The following ADAMTS3 variants were observed in gnomAD, a reference collection of about 807,000 sequenced individuals.
ADAMTS3 encodes the protein ADAM metallopeptidase with thrombospondin type 1 motif 3.
In ADAMTS3, 73 loss-of-function variants were observed where a neutral mutation model predicts 129.0. The ratio of observed to expected loss-of-function variants is 0.57; its 90% confidence interval spans 0.47 to 0.69. The LOEUF (loss-of-function observed/expected upper bound fraction) is 0.69, where lower values mean the gene tolerates loss of function less well. ADAMTS3 is among the 30% of genes least tolerant of loss of function. ADAMTS3 has a pLI of 0.00. For synonymous variants in ADAMTS3, 477 were observed against 510.8 expected, an observed-to-expected ratio of 0.93 and a Z score of 0.89; for missense variants, 1,457 against 1,514.5, an observed-to-expected ratio of 0.96 and a Z score of 0.63.
chr4:72,461,172 G>T (rs1718758962), intron 3 of ADAMTS3, among the ~76,000 whole-genome samples: 1 of 151,290 alleles, frequency 6.6e-6, no homozygotes, highest in African/African-American at 2.4e-5. Flanking sequence ...CCATTAAGAA[G>T]AATGTAAAAC....
rs1487617145 is a variant in ADAMTS3 at position 72,281,035 on chromosome 4, T to C, written c.*2101A>G. ...AACAAACAGCATCAGTAGTGTACAC[T>C]TTGATAAAAAGGAATTTTTAGCTTA... On this transcript the variant is annotated 3_prime_UTR_variant, in exon 22 of 22. Coordinates refer to ENST00000286657, the MANE Select transcript of ADAMTS3 (RefSeq NM_014243.3). 2.0e-5 allele frequency: 3 copies of C among 152,626 alleles called. No individual in the cohort carries two copies. The highest frequency in any genetic ancestry group is 2.0e-4 in the Admixed American group (3 of 15,270). The allele number at this position is 152,626 out of a possible 1,614,324, so 9.5% of individuals were successfully genotyped here.
intron 3 of ADAMTS3, among the ~76,000 whole-genome samples, chr4:72,495,291 T>C (rs931667212): frequency 6.6e-6 from 1 of 151,812 alleles, no homozygotes; most frequent in Non-Finnish European, 1.5e-5. Context: ...GTCTATAGAG[T>C]CATTGTAGGG....
At chr4:72,297,720 A>G (rs969477895) in intron 18 of ADAMTS3, among the ~76,000 whole-genome samples, 5 of 152,138 alleles carry the variant, frequency 3.3e-5, no homozygotes, top group African/African-American at 1.2e-4. Context: ...GCTCTGGGCA[A>G]TTATCTTCTG....
chr4:72,352,819 A>C (rs909817289), intron 4 of ADAMTS3, among the ~76,000 whole-genome samples: 1 of 152,014 alleles, frequency 6.6e-6, no homozygotes, highest in Non-Finnish European at 1.5e-5. Context: ...GAAAGACTGA[A>C]AAGTATTGAA....
intron 4 of ADAMTS3, among the ~76,000 whole-genome samples, chr4:72,383,336 G>C (rs1221663899): frequency 2.0e-5 from 3 of 152,196 alleles, no homozygotes; most frequent in Non-Finnish European, 4.4e-5. Context: ...AGAATGAAAC[G>C]ACACATGGGT....
rs149973873 is a variant in ADAMTS3 at position 72,427,683 on chromosome 4, A to G, written c.505-12712T>C. Reference sequence around the variant, plus strand: ...AAGAGAAGAAAGGTTAGTTCAATCAATCTCTATGTTCCAAATTCAGAGGGT... The same window carrying G: ...AAGAGAAGAAAGGTTAGTTCAATCAGTCTCTATGTTCCAAATTCAGAGGGT... On this transcript the variant is annotated intron_variant, in intron 3 of 21. Coordinates refer to ENST00000286657, the MANE Select transcript of ADAMTS3 (RefSeq NM_014243.3). 4.6e-4 allele frequency among the ~76,000 whole-genome samples: 70 copies of G among 152,240 alleles called. 1 individual carries two copies. The highest frequency in any genetic ancestry group is 1.5e-3 in the African/African-American group (63 of 41,570).
At chr4:72,445,951 A>T (rs1486667549) in intron 3 of ADAMTS3, among the ~76,000 whole-genome samples, 2 of 151,876 alleles carry the variant, frequency 1.3e-5, no homozygotes, top group East Asian at 3.9e-4. Context: ...GATTGAGTAC[A>T]TAGTAGCCAG....
intron 5 of ADAMTS3, among the ~76,000 whole-genome samples, chr4:72,327,803 A>G (rs1481783763): frequency 6.6e-6 from 1 of 152,176 alleles, no homozygotes; most frequent in Non-Finnish European, 1.5e-5. Flanking sequence ...TGAGAAAGAA[A>G]ATGTAAAATT....
chr4:72,345,675 C>T (rs1029935464), intron 4 of ADAMTS3, among the ~76,000 whole-genome samples: 2 of 151,968 alleles, frequency 1.3e-5, no homozygotes, highest in East Asian at 1.9e-4. Context: ...TGTCAGTTTC[C>T]GTTATTTCTT....
At chr4:72,431,656 T>C (rs1335148942) in intron 3 of ADAMTS3, among the ~76,000 whole-genome samples, 1 of 152,014 alleles carries the variant, frequency 6.6e-6, no homozygotes, top group Non-Finnish European at 1.5e-5. Flanking sequence ...ATTGTGCACA[T>C]GCAAATATTC....
chr4:72,384,685 T>C (rs1183161273), intron 4 of ADAMTS3, among the ~76,000 whole-genome samples: 1 of 152,144 alleles, frequency 6.6e-6, no homozygotes, highest in African/African-American at 2.4e-5. Flanking sequence ...TTATTTGGGC[T>C]GAAGGAAAAT....
chr4:72,456,416 T>C (rs1242037180), intron 3 of ADAMTS3, among the ~76,000 whole-genome samples: 2 of 142,246 alleles, frequency 1.4e-5, no homozygotes, highest in African/African-American at 5.2e-5. Flanking sequence ...ATATAGTATA[T>C]ATATAACATA....
chr4:72,425,921 A>G (rs1005905179), intron 3 of ADAMTS3, among the ~76,000 whole-genome samples: 1 of 151,848 alleles, frequency 6.6e-6, no homozygotes, highest in Admixed American at 6.6e-5. Flanking sequence ...TGACTTCCAC[A>G]ATGGTTGAAC....
Position 72,365,996 on chromosome 4 carries a change from A to G in ADAMTS3, c.662-26303T>C, listed in dbSNP as rs559284515. Among the ~76,000 whole-genome samples, 3 of 152,322 alleles carry G rather than the reference A, an allele frequency of 2.0e-5. No homozygotes were observed. In the South Asian group the frequency reaches 6.2e-4, roughly 32 times the overall value. ...CACTAATGAATGCTCCCAGCATTGG[A>G]CACTGGGTCCATGAAATTGCTGTCT... is the stretch of plus-strand genomic sequence containing the variant. On this transcript the variant is annotated intron_variant, in intron 4 of 21. Coordinates refer to ENST00000286657, the MANE Select transcript of ADAMTS3 (RefSeq NM_014243.3).
At chr4:72,469,541 A>C (rs868066668) in intron 3 of ADAMTS3, among the ~76,000 whole-genome samples, 5 of 152,112 alleles carry the variant, frequency 3.3e-5, no homozygotes, top group Non-Finnish European at 7.4e-5. Context: ...CTTTCCCCTT[A>C]TTGCTATCTA....
intron 3 of ADAMTS3, among the ~76,000 whole-genome samples, chr4:72,488,779 C>A (rs1186314376): frequency 6.6e-6 from 1 of 151,710 alleles, no homozygotes; most frequent in African/African-American, 2.4e-5. Context: ...AATATTTTTT[C>A]TTTATTTTCG....
At chr4:72,543,078 G>T (rs1721374845) in intron 3 of ADAMTS3, among the ~76,000 whole-genome samples, 2 of 152,020 alleles carry the variant, frequency 1.3e-5, no homozygotes, top group Admixed American at 6.5e-5. Context: ...ACTTCAAAAT[G>T]TTCATGGAAT....
At chr4:72,339,739 G>A in intron 4 of ADAMTS3, 46 bp from the exon 5 acceptor site, 1 of 1,491,280 alleles carries the variant, frequency 6.7e-7, no homozygotes, top group East Asian at 2.3e-5. Context: ...TCCCTAACAG[G>A]CCTTCCAATC....
At chr4:72,518,485 G>C (rs1043921934) in intron 3 of ADAMTS3, among the ~76,000 whole-genome samples, 2 of 151,944 alleles carry the variant, frequency 1.3e-5, no homozygotes, top group African/African-American at 2.4e-5. Context: ...TCTCTTTGTA[G>C]GTCACTCAGG....
Sources: allele counts gnomAD v4.1 joint callset (sites outside exome capture counted in the v4.1 genomes callset), GRCh38; gene constraint gnomAD v4.1.1; transcripts MANE v1.5; gene names NCBI Gene and HGNC (gene_info 2026-07-23, HGNC 2026-07-21).